The following SLC10A7 variants were observed in gnomAD, a reference collection of about 807,000 sequenced individuals.
The protein encoded by SLC10A7 is sodium/bile acid cotransporter 7.
Under a neutral mutation model 43.2 loss-of-function variants are expected in SLC10A7, and 29 were observed. That is an observed-to-expected ratio of 0.67 (90% confidence interval 0.50 to 0.92). The LOEUF (loss-of-function observed/expected upper bound fraction) is 0.92, where lower values mean the gene tolerates loss of function less well. Ranked by LOEUF, SLC10A7 falls within the 40% of genes least tolerant of loss-of-function variation. The probability of loss-of-function intolerance (pLI) is 0.00; values close to 1 mark genes in which losing one functional copy is unlikely to be tolerated. For missense variants in SLC10A7, 295 were observed against 403.2 expected, an observed-to-expected ratio of 0.73 and a Z score of 2.30; for synonymous variants, 152 against 144.8, an observed-to-expected ratio of 1.05 and a Z score of -0.35.
At chr4:146,381,931 G>A (rs1737652784) in intron 5 of SLC10A7, among the ~76,000 whole-genome samples, 1 of 151,932 alleles carries the variant, frequency 6.6e-6, no homozygotes, top group African/African-American at 2.4e-5. Context: ...GTGACTTAAA[G>A]AAGCATTTGC....
At chr4:146,481,558 T>C (rs900058809) in intron 4 of SLC10A7, among the ~76,000 whole-genome samples, 1 of 152,184 alleles carries the variant, frequency 6.6e-6, no homozygotes, top group African/African-American at 2.4e-5. Flanking sequence ...CTCTGTTCCC[T>C]GGGCCTGAGC....
chr4:146,356,398 A>G (rs1735635045), intron 5 of SLC10A7, among the ~76,000 whole-genome samples: 1 of 152,166 alleles, frequency 6.6e-6, no homozygotes, highest in African/African-American at 2.4e-5. Flanking sequence ...CTACTGAGAG[A>G]TCCTCGTGTA....
intron 4 of SLC10A7, among the ~76,000 whole-genome samples, chr4:146,492,199 G>A (rs1579327192): frequency 6.6e-6 from 1 of 150,912 alleles, no homozygotes; most frequent in East Asian, 2.0e-4. Context: ...CAGCCTGGGC[G>A]ACAGAGCGAG....
intron 5 of SLC10A7, among the ~76,000 whole-genome samples, chr4:146,424,847 A>G (rs1380152309): frequency 6.6e-6 from 1 of 152,150 alleles, no homozygotes; most frequent in Non-Finnish European, 1.5e-5. Flanking sequence ...TTTTCCTGGC[A>G]CTGTCACCAT....
intron 5 of SLC10A7, among the ~76,000 whole-genome samples, chr4:146,424,670 A>G (rs1729202749): frequency 6.9e-6 from 1 of 145,984 alleles, no homozygotes; most frequent in Non-Finnish European, 1.5e-5. Context: ...AGAAAAAAAC[A>G]AAAAAAAAAC....
At chr4:146,318,917 T>C (rs2356822) in intron 6 of SLC10A7, among the ~76,000 whole-genome samples, 124,343 of 151,988 alleles carry the variant, frequency 0.82, 51,671 homozygotes, top group African/African-American at 0.95. Context: ...CTTACAACTA[T>C]CTCCTATCAG....
At chr4:146,445,937 G>A (rs1731033338) in intron 4 of SLC10A7, among the ~76,000 whole-genome samples, 1 of 151,730 alleles carries the variant, frequency 6.6e-6, no homozygotes, top group Non-Finnish European at 1.5e-5. Context: ...GCGCGTGCAC[G>A]GGAGTCCCCT....
At chr4:146,423,870 CA>C (rs1217546253) in intron 5 of SLC10A7, among the ~76,000 whole-genome samples, 1 of 152,026 alleles carries the variant, frequency 6.6e-6, no homozygotes, top group African/African-American at 2.4e-5. Flanking sequence ...AGGCATCTGC[CA>C]AAATTTATTT....
In SLC10A7 at chr4:146,254,010, T is replaced by C. The variant is rs1727776237; in HGVS notation, c.*2481A>G. The C allele has an allele frequency of 6.6e-6, 1 of 152,230 alleles. No homozygotes were observed. The highest frequency in any genetic ancestry group is 1.5e-5 in the Non-Finnish European group (1 of 68,040). 9.4% of individuals were successfully genotyped at this position (152,230 alleles called of 1,614,324 possible). ...GATTTCTGAAACATTCTTTGTTTAATCATATAATTATTTTCATCTTCCAGT... is the reference window on the plus strand; with the variant it reads ...GATTTCTGAAACATTCTTTGTTTAACCATATAATTATTTTCATCTTCCAGT... On this transcript the variant is annotated 3_prime_UTR_variant, in exon 12 of 12. Transcript: ENST00000335472.
intron 10 of SLC10A7, among the ~76,000 whole-genome samples, chr4:146,273,656 T>C (rs1729031782): frequency 6.6e-6 from 1 of 152,126 alleles, no homozygotes; most frequent in Non-Finnish European, 1.5e-5. Context: ...AGTAGCATTA[T>C]GAAATAGTAT....
At position 146,304,596 on chromosome 4, in the gene SLC10A7, T is replaced by C. The variant is rs1161131489; in HGVS notation, c.555+1330A>G. Among the ~76,000 whole-genome samples, 2 of 152,228 alleles carry C rather than the reference T, an allele frequency of 1.3e-5. 1 individual carries two copies. The highest frequency in any genetic ancestry group is 3.8e-4 in the East Asian group (2 of 5,200). ...TCTTAATCCTGAGTTCTAGTTTGAT[T>C]GCACTGTGGTCTGAGAGATAGTTTG... On this transcript the variant is annotated intron_variant, in intron 7 of 11. Coordinates refer to ENST00000335472, the MANE Select transcript of SLC10A7 (RefSeq NM_001029998.6).
rs528339339 is a variant in SLC10A7 at position 146,322,405 on chromosome 4, T to C, written c.471+3556A>G. ...CCATAACAGGCCCCAGTGTGTGATG[T>C]TCCCCTTCCTGTGTCCATGTGTTCT... On this transcript the variant is annotated intron_variant, in intron 6 of 11. Coordinates refer to ENST00000335472, the MANE Select transcript of SLC10A7 (RefSeq NM_001029998.6). Among the ~76,000 whole-genome samples the C allele has an allele frequency of 3.2e-3, 421 of 131,172 alleles. 10 individuals are homozygous for C. The Admixed American group carries it at 0.035, about 11-fold the overall frequency. The allele number at this position is 131,172 out of a possible 152,430, so 86.1% of individuals were successfully genotyped here.
chr4:146,511,969 CTTT>C (rs765683134), intron 2 of SLC10A7, among the ~76,000 whole-genome samples: 3 of 98,860 alleles, frequency 3.0e-5, no homozygotes, highest in African/African-American at 4.0e-5. Context: ...TGCATATACT[CTTT>C]TTTTTTTTTT....
At chr4:146,379,638 TCCA>T (rs1318947674) in intron 5 of SLC10A7, among the ~76,000 whole-genome samples, 2 of 152,168 alleles carry the variant, frequency 1.3e-5, no homozygotes, top group Non-Finnish European at 1.5e-5. Flanking sequence ...TTGATAACTG[TCCA>T]CTTGGAAGAA....
At chr4:146,320,208 T>C (rs892259791) in intron 6 of SLC10A7, among the ~76,000 whole-genome samples, 4 of 152,040 alleles carry the variant, frequency 2.6e-5, no homozygotes, top group South Asian at 4.1e-4. Flanking sequence ...TGGTAGTATG[T>C]TTGCTCCAGC....
chr4:146,327,223 C>T (rs987942352), intron 5 of SLC10A7, among the ~76,000 whole-genome samples: 5 of 152,178 alleles, frequency 3.3e-5, no homozygotes, highest in African/African-American at 1.2e-4. Flanking sequence ...TATCCACAGA[C>T]AGACTTGTTT....
chr4:146,375,933 T>G (rs928456275), intron 5 of SLC10A7, among the ~76,000 whole-genome samples: 1 of 152,190 alleles, frequency 6.6e-6, no homozygotes, highest in African/African-American at 2.4e-5. Flanking sequence ...CCTATACTGA[T>G]GACAGACCAG....
intron 4 of SLC10A7, among the ~76,000 whole-genome samples, chr4:146,490,152 A>C (rs1735266130): frequency 6.6e-6 from 1 of 152,178 alleles, no homozygotes; most frequent in South Asian, 2.1e-4. Flanking sequence ...TTCATACCAA[A>C]ATGTGACTAT....
chr4:146,341,063 G>A (rs1369768368), intron 5 of SLC10A7, among the ~76,000 whole-genome samples: 1 of 151,794 alleles, frequency 6.6e-6, no homozygotes, highest in Admixed American at 6.6e-5. Context: ...TATAACTTAT[G>A]CTTATGAATG....
Sources: gnomAD v4.1 joint callset for allele counts (sites outside exome capture counted in the v4.1 genomes callset) on GRCh38, gnomAD v4.1.1 for gene constraint, MANE v1.5 for transcripts, NCBI Gene and HGNC (gene_info 2026-07-23, HGNC 2026-07-21) for gene names.